MED13L: variants seen among roughly 807,000 people sequenced by gnomAD.
MED13L encodes the protein mediator complex subunit 13L.
In MED13L, 7 loss-of-function variants were observed where a neutral mutation model predicts 220.9. The ratio of observed to expected loss-of-function variants is 0.03; its 90% confidence interval spans 0.02 to 0.06. MED13L has a LOEUF of 0.06. MED13L is among the 10% of genes least tolerant of loss of function. The pLI is 1.00. For missense variants in MED13L, 1,965 were observed against 2,760.5 expected (o/e 0.71, Z 6.46); for synonymous variants, 1,011 against 1,015.2 (o/e 1.00, Z 0.08).
At chr12:116,261,075 C>T (rs1488896937) in intron 1 of MED13L, among the ~76,000 whole-genome samples, 1 of 152,114 alleles carries the variant, frequency 6.6e-6, no homozygotes, top group Non-Finnish European at 1.5e-5. Context: ...CTCCAATCAC[C>T]ACCGTCTCTA....
At chr12:116,136,253 G>C (rs1305867461) in intron 2 of MED13L, among the ~76,000 whole-genome samples, 1 of 152,132 alleles carries the variant, frequency 6.6e-6, no homozygotes, top group African/African-American at 2.4e-5. Flanking sequence ...TGAGGAAACT[G>C]AACTAAGTGC....
intron 2 of MED13L, among the ~76,000 whole-genome samples, chr12:116,125,954 A>G (rs948926524): frequency 1.3e-5 from 2 of 152,234 alleles, no homozygotes; most frequent in African/African-American, 4.8e-5. Context: ...CTTTTAAAAG[A>G]CAGAATGTAC....
chr12:116,146,037 G>A (rs1033783080), intron 2 of MED13L, among the ~76,000 whole-genome samples: 5 of 152,150 alleles, frequency 3.3e-5, no homozygotes, highest in African/African-American at 4.8e-5. Flanking sequence ...CCCGCGGGCC[G>A]CATGAGGCCC....
At chr12:116,185,724 T>G (rs1880850696) in intron 2 of MED13L, among the ~76,000 whole-genome samples, 1 of 150,668 alleles carries the variant, frequency 6.6e-6, no homozygotes, top group Admixed American at 6.6e-5. Context: ...GAGATAAGAG[T>G]CTCGCTCTGT....
At chr12:116,134,112 T>A (rs1464381590) in intron 2 of MED13L, among the ~76,000 whole-genome samples, 1 of 152,226 alleles carries the variant, frequency 6.6e-6, no homozygotes, top group African/African-American at 2.4e-5. Context: ...TGTTTTTTGC[T>A]ACTGAGTTTT....
At chr12:116,098,314 G>A (rs1475527782) in intron 3 of MED13L, among the ~76,000 whole-genome samples, 1 of 152,008 alleles carries the variant, frequency 6.6e-6, no homozygotes, top group African/African-American at 2.4e-5. Flanking sequence ...TGGGGAAAAT[G>A]TGCACATTTG....
intron 18 of MED13L, 50 bp downstream of exon 18, chr12:115,987,059 C>T (rs1241965401): frequency 6.4e-7 from 1 of 1,573,962 alleles, no homozygotes; most frequent in Non-Finnish European, 8.7e-7. Context: ...CTGCTCTTCA[C>T]TGAACAGCAC....
intron 2 of MED13L, among the ~76,000 whole-genome samples, chr12:116,198,744 C>CTCACAG (rs1200849975): frequency 1.4e-4 from 2 of 14,512 alleles, no homozygotes; most frequent in Non-Finnish European, 2.0e-4. Context: ...AGAAATTCCT[C>CTCACAG]TTACAGATCT....
chr12:116,006,091 G>A (rs1879029277), intron 12 of MED13L, 98 bp from the exon 13 acceptor site: 2 of 1,524,740 alleles, frequency 1.3e-6, no homozygotes, highest in East Asian at 4.6e-5. Flanking sequence ...ACCTGCCTGT[G>A]AGTTTTTCCC....
chr12:116,120,357 T>C (rs942171327), intron 2 of MED13L, among the ~76,000 whole-genome samples: 3 of 152,054 alleles, frequency 2.0e-5, no homozygotes, highest in African/African-American at 7.2e-5. Context: ...GGACCTAAAA[T>C]TAATGTGTTC....
intron 1 of MED13L, among the ~76,000 whole-genome samples, chr12:116,251,014 C>T (rs1262927247): frequency 6.6e-6 from 1 of 151,050 alleles, no homozygotes; most frequent in Non-Finnish European, 1.5e-5. Flanking sequence ...AAAAGATGCA[C>T]ATTATAAACC....
chr12:116,002,878 CAGTT>C, intron 14 of MED13L, 121 bp downstream of exon 14: 1 of 804,296 alleles, frequency 1.2e-6, no homozygotes, highest in Non-Finnish European at 2.1e-6. Context: ...TTTTAATTCA[CAGTT>C]AGAATTCTGT....
intron 1 of MED13L, among the ~76,000 whole-genome samples, chr12:116,251,198 A>T (rs1345359919): frequency 2.6e-4 from 39 of 151,216 alleles, no homozygotes; most frequent in Non-Finnish European, 8.9e-5. Flanking sequence ...GGAGGAAAAC[A>T]AAAACAAAAA....
chr12:116,163,924 TA>T (rs1879063771), intron 2 of MED13L, among the ~76,000 whole-genome samples: 1 of 152,170 alleles, frequency 6.6e-6, no homozygotes, highest in African/African-American at 2.4e-5. Context: ...AATAAAGCAG[TA>T]ATTTTCTTCA....
At chr12:116,110,388 A>AATAAATAAATAAATAG (rs34862125) in intron 3 of MED13L, 2 of 151,838 alleles carry the variant, frequency 1.3e-5, no homozygotes, top group African/African-American at 4.8e-5. Flanking sequence ...TAAATAAATA[A>AATAAATAAATAAATAG]GGAAATAAAA....
intron 2 of MED13L, among the ~76,000 whole-genome samples, chr12:116,205,942 GTTT>G (rs11295233): frequency 1.5e-4 from 19 of 125,276 alleles, no homozygotes; most frequent in Admixed American, 2.3e-4. Context: ...CTAAAAACTT[GTTT>G]TTTTTTTTTT....
intron 2 of MED13L, among the ~76,000 whole-genome samples, chr12:116,165,025 T>C (rs958040921): frequency 4.6e-5 from 7 of 152,162 alleles, no homozygotes; most frequent in Admixed American, 4.6e-4. Flanking sequence ...CTGCAATACA[T>C]GGTTAAGAAT....
rs1008741255 is a variant in MED13L at position 116,153,496 on chromosome 12, T to A, written c.311-41984A>T. 3.9e-5 allele frequency among the ~76,000 whole-genome samples: 6 copies of A among 152,176 alleles called. No homozygotes were observed. The South Asian group carries it at 1.2e-3, about 32-fold the overall frequency. ...AATTTCTGTAATAGCAATAACCAGA[T>A]ATATGTCATTAACAACAAAAATCAG... On this transcript the variant is annotated intron_variant, in intron 2 of 30. Coordinates refer to ENST00000281928, the MANE Select transcript of MED13L (RefSeq NM_015335.5).
intron 1 of MED13L, among the ~76,000 whole-genome samples, chr12:116,246,885 T>C (rs927851051): frequency 1.7e-4 from 1 of 5,990 alleles, no homozygotes; most frequent in Non-Finnish European, 3.0e-4. Flanking sequence ...GGGAGGGAGG[T>C]GGGGAGGTGG....
Sources: gnomAD v4.1 joint callset for allele counts (sites outside exome capture counted in the v4.1 genomes callset) on GRCh38, gnomAD v4.1.1 for gene constraint, MANE v1.5 for transcripts, NCBI Gene and HGNC (gene_info 2026-07-23, HGNC 2026-07-21) for gene names.